The following TEX15 variants were observed in gnomAD, a reference collection of about 807,000 sequenced individuals.
TEX15 encodes the protein testis-expressed protein 15.
Under a neutral mutation model 237.3 loss-of-function variants are expected in TEX15, and 171 were observed. That is an observed-to-expected ratio of 0.72 (90% CI 0.64 to 0.82). The LOEUF (loss-of-function observed/expected upper bound fraction) is 0.82, where lower values mean the gene tolerates loss of function less well. TEX15 is among the 40% of genes least tolerant of loss of function. The probability of loss-of-function intolerance (pLI) is 0.00; values close to 1 mark genes in which losing one functional copy is unlikely to be tolerated. For synonymous variants in TEX15, 1,338 were observed against 1,269.8 expected (o/e 1.05, Z -1.14); for missense variants, 3,750 against 3,646.5 (o/e 1.03, Z -0.73).
chr8:30,860,611 C>CAG (rs1808027890), intron 5 of TEX15, among the ~76,000 whole-genome samples: 1 of 144,330 alleles, frequency 6.9e-6, no homozygotes, highest in Non-Finnish European at 1.5e-5. Context: ...GTCACCCAGG[C>CAG]TGGAGTGCAG....
At position 30,837,108 on chromosome 8, in the gene TEX15, T is replaced by C. The variant is rs1392957029; in HGVS notation, c.9176A>G (p.Gln3059Arg). 1.9e-6 allele frequency: 3 copies of C among 1,614,122 alleles called. No homozygotes were observed. Among genetic ancestry groups the C allele is most frequent in the East Asian group, 2.2e-5 (1 of 44,874 alleles). The change falls in exon 10 of 11, where the codon CAG becomes CGG. Residue 3059 changes from glutamine to arginine, a missense_variant. Gln to Arg is a conservative substitution (Grantham distance 43, BLOSUM62 1). Coordinates refer to ENST00000643185, the MANE Select transcript of TEX15 (RefSeq NM_001350162.2). ...ATATGATGTTATCCCTTGGTATGTC[T>C]GGGTAATGGCATTGCCATTGCTGTT... ...YSNSNGNAITQTYQGITSYEV... is the reference protein window; with the variant it reads ...YSNSNGNAITRTYQGITSYEV...
At chr8:30,886,486 G>C (rs575502729) in intron 3 of TEX15, among the ~76,000 whole-genome samples, 3 of 152,198 alleles carry the variant, frequency 2.0e-5, no homozygotes, top group Non-Finnish European at 2.9e-5. Context: ...TCACCACAAA[G>C]CAAGGGTAGA....
At chr8:30,836,048 GT>G (rs773554818) in intron 10 of TEX15, among the ~76,000 whole-genome samples, 40 of 151,898 alleles carry the variant, frequency 2.6e-4, no homozygotes, top group Non-Finnish European at 5.6e-4. Flanking sequence ...ACACCCTAAA[GT>G]TTTTACCTGA....
chr8:30,891,337 T>C (rs763177595), intron 2 of TEX15, among the ~76,000 whole-genome samples: 2 of 152,158 alleles, frequency 1.3e-5, no homozygotes, highest in Non-Finnish European at 2.9e-5. Context: ...CTGAATCTTT[T>C]ATTACACATC....
Position 30,842,400 on chromosome 8 carries a change from A to G in TEX15, c.7767T>C (p.Asn2589=). The G allele has an allele frequency of 6.2e-7, 1 of 1,613,704 alleles. No homozygotes were observed. The highest frequency in any genetic ancestry group is 8.5e-7 in the Non-Finnish European group (1 of 1,179,840). Reference sequence around the variant, plus strand: ...CATTCTTCAGCAGTGTAGAAAATTGATTGTAGTTGTATTCTAACTCTGTCA... The same window carrying G: ...CATTCTTCAGCAGTGTAGAAAATTGGTTGTAGTTGTATTCTAACTCTGTCA... ...STVTELEYNY[N]QFSTLLKNVM... Residue 2589 remains asparagine (N), a synonymous_variant, in exon 8 of 11, where the codon AAT becomes AAC. Coordinates refer to ENST00000643185, the MANE Select transcript of TEX15 (RefSeq NM_001350162.2).
At chr8:30,856,263 G>A (rs932240521) in intron 7 of TEX15, among the ~76,000 whole-genome samples, 2 of 151,782 alleles carry the variant, frequency 1.3e-5, no homozygotes, top group Non-Finnish European at 1.5e-5. Context: ...TCTTTAAAAT[G>A]TGAGCTTCGG....
chr8:30,869,866 T>C (rs957756063), intron 4 of TEX15, among the ~76,000 whole-genome samples: 1 of 152,034 alleles, frequency 6.6e-6, no homozygotes, highest in African/African-American at 2.4e-5. Flanking sequence ...ATATACAAAG[T>C]ACTCTTTTAC....
At chr8:30,860,244 G>C (rs141695181) in intron 5 of TEX15, among the ~76,000 whole-genome samples, 187 bp from the exon 6 acceptor site, 1 of 151,736 alleles carries the variant, frequency 6.6e-6, no homozygotes, top group East Asian at 1.9e-4. Flanking sequence ...CCTCGGCCCC[G>C]TTGAGTAGCT....
Position 30,846,102 on chromosome 8 carries a change from CT to C in TEX15, c.4064del (p.Lys1355SerfsTer7), listed in dbSNP as rs1807597550. 7.4e-6 allele frequency: 12 copies of C among 1,613,258 alleles called. No individual in the cohort carries two copies. Among genetic ancestry groups the C allele is most frequent in the Non-Finnish European group, 1.0e-5 (12 of 1,179,592 alleles). ...GRIKTFSQSE[K>X]HIKSVLNILS... ...GGATATTTAGGACACTCTTAATGTG[CT>C]TTTCTGACTGTGAAAATGTTTTAAT... On this transcript the variant is annotated frameshift_variant, in exon 8 of 11. Transcript: ENST00000643185. LOFTEE classifies it high-confidence loss of function.
In TEX15 at chr8:30,848,239, A is replaced by G. The variant is rs771052326; in HGVS notation, c.1928T>C (p.Ile643Thr). The change falls in exon 8 of 11, where the codon ATT becomes ACT. Residue 643 changes from isoleucine to threonine, a missense_variant. Transcript: ENST00000643185. ...TGTTTCATTAGTGAAATCATTATCA[A>G]TTTCTTTCCATGAAGTTTGCTTTTC... Reference protein sequence around the residue: ...HEEKQTSWKEIDNDFTNETKI... With the variant: ...HEEKQTSWKETDNDFTNETKI... 30 of 1,612,340 alleles carry G rather than the reference A, an allele frequency of 1.9e-5. No homozygotes were observed. Among genetic ancestry groups the G allele is most frequent in the Non-Finnish European group, 2.5e-5 (30 of 1,179,714 alleles).
intron 4 of TEX15, among the ~76,000 whole-genome samples, chr8:30,871,704 C>A (rs1325512786): frequency 6.6e-6 from 1 of 152,120 alleles, no homozygotes; most frequent in Admixed American, 6.6e-5. Context: ...CTCATTCACA[C>A]AAAGCACTTT....
chr8:30,865,264 A>G lies in TEX15; in HGVS notation c.540+2001T>C, dbSNP rs540881643. On this transcript the variant is annotated intron_variant, in intron 5 of 10. Coordinates refer to ENST00000643185, the MANE Select transcript of TEX15 (RefSeq NM_001350162.2). ...ACATCCAACCTATTGAGACTGAACC[A>G]TGAAGAAAAAGAAAACTTGAATAGA... Among the ~76,000 whole-genome samples, 4 of 152,278 alleles carry G rather than the reference A, an allele frequency of 2.6e-5. No individual in the cohort carries two copies. In the South Asian group the frequency reaches 6.2e-4, roughly 24 times the overall value.
In TEX15 at chr8:30,875,101, A is replaced by G; in HGVS notation, c.138T>C (p.Val46=). The change falls in exon 4 of 11, where the codon GTT becomes GTC. Residue 46 remains valine (V), a splice_region_variant and synonymous_variant. Coordinates refer to ENST00000643185, the MANE Select transcript of TEX15 (RefSeq NM_001350162.2). ...TATTGGTGTAACAAGGTGACAAGTA[A>G]ACTAAAGGTAGAAAAAGAGAAAGCA... The part of the protein sequence containing the change: ...IPKIRRTAEK[V]YLSPCYTNSR... The G allele has an allele frequency of 4.0e-6, 5 of 1,238,406 alleles. No individual in the cohort carries two copies. The highest frequency in any genetic ancestry group is 5.1e-6 in the Non-Finnish European group (5 of 989,496). The allele number at this position is 1,238,406 out of a possible 1,614,324, so 76.7% of individuals were successfully genotyped here.
At chr8:30,909,144 A>AT (rs1486105533) in intron 1 of TEX15, among the ~76,000 whole-genome samples, 35 of 152,174 alleles carry the variant, frequency 2.3e-4, no homozygotes, top group African/African-American at 7.0e-4. Context: ...CAAACTAGAT[A>AT]CTCAAATCAG....
At chr8:30,900,546 T>G (rs1027149564) in intron 1 of TEX15, among the ~76,000 whole-genome samples, 1 of 152,204 alleles carries the variant, frequency 6.6e-6, no homozygotes, top group African/African-American at 2.4e-5. Flanking sequence ...GTTAGTACAT[T>G]AATAAGAATC....
chr8:30,898,353 G>T (rs1735494931), intron 2 of TEX15, among the ~76,000 whole-genome samples: 1 of 152,114 alleles, frequency 6.6e-6, no homozygotes, highest in African/African-American at 2.4e-5. Flanking sequence ...ACCCTCAGGG[G>T]AGCTAGCTAC....
chr8:30,835,933 GAAATTTATTT>G (rs1807282043), intron 10 of TEX15, among the ~76,000 whole-genome samples: 1 of 152,056 alleles, frequency 6.6e-6, no homozygotes, highest in Non-Finnish European at 1.5e-5. Flanking sequence ...TTGTCTAATT[GAAATTTATTT>G]TCCCACTTTA....
At chr8:30,894,358 A>G (rs1256557993) in intron 2 of TEX15, among the ~76,000 whole-genome samples, 1 of 152,160 alleles carries the variant, frequency 6.6e-6, no homozygotes, top group Non-Finnish European at 1.5e-5. Flanking sequence ...TAATTCCAAC[A>G]TCTTAAGTCT....
At chr8:30,860,841 G>A (rs941329148) in intron 5 of TEX15, among the ~76,000 whole-genome samples, 3 of 151,882 alleles carry the variant, frequency 2.0e-5, no homozygotes, top group Non-Finnish European at 4.4e-5. Context: ...GTGAGCCACC[G>A]CGCCCAGCCG....
Sources: gnomAD v4.1 joint callset for allele counts (sites outside exome capture counted in the v4.1 genomes callset) on GRCh38, gnomAD v4.1.1 for gene constraint, MANE v1.5 for transcripts, NCBI Gene and HGNC (gene_info 2026-07-23, HGNC 2026-07-21) for gene names.